Variants in ETV6 observed in about 807,000 individuals in gnomAD.
ETV6 encodes the protein transcription factor ETV6.
In ETV6, 16 loss-of-function variants were observed where a neutral mutation model predicts 51.1. The ratio of observed to expected loss-of-function variants is 0.31; its 90% CI spans 0.21 to 0.48. ETV6 has a LOEUF of 0.48. Among genes scored for constraint, ETV6 ranks in the 20% least tolerant of loss-of-function variants. The pLI, the probability that ETV6 is intolerant of heterozygous loss-of-function variation, is 0.99. For synonymous variants in ETV6, 240 were observed against 224.1 expected (o/e 1.07, Z -0.64); for missense variants, 458 against 594.8 (o/e 0.77, Z 2.39).
intron 1 of ETV6, among the ~76,000 whole-genome samples, chr12:11,685,627 C>T (rs1438319290): frequency 6.6e-6 from 1 of 151,942 alleles, no homozygotes; most frequent in African/African-American, 2.4e-5. Context: ...TTTTCATGTA[C>T]ATATGAATGT....
At chr12:11,878,248 A>G (rs1947024248) in intron 5 of ETV6, among the ~76,000 whole-genome samples, 1 of 152,196 alleles carries the variant, frequency 6.6e-6, no homozygotes, top group Admixed American at 6.5e-5. Context: ...AAAGAGCCCT[A>G]AAAGAGGAGG....
At chr12:11,689,818 C>T (rs1028665121) in intron 1 of ETV6, among the ~76,000 whole-genome samples, 3 of 106,808 alleles carry the variant, frequency 2.8e-5, no homozygotes, top group Non-Finnish European at 5.7e-5. Flanking sequence ...CTCCCCCCCC[C>T]CCCCACCCCC....
intron 2 of ETV6, among the ~76,000 whole-genome samples, chr12:11,775,809 G>A (rs1416690024): frequency 6.6e-6 from 1 of 152,194 alleles, no homozygotes; most frequent in Non-Finnish European, 1.5e-5. Flanking sequence ...CTGAGACAGC[G>A]AGGGTTCCCT....
At chr12:11,803,238 T>C (rs1945777545) in intron 2 of ETV6, among the ~76,000 whole-genome samples, 1 of 152,188 alleles carries the variant, frequency 6.6e-6, no homozygotes, top group Non-Finnish European at 1.5e-5. Flanking sequence ...AGGTGGACTT[T>C]TGAGATTATA....
At chr12:11,782,294 G>T (rs1318526719) in intron 2 of ETV6, among the ~76,000 whole-genome samples, 1 of 151,428 alleles carries the variant, frequency 6.6e-6, no homozygotes, top group Non-Finnish European at 1.5e-5. Context: ...CAATCTTCGT[G>T]GGTCAGTGGT....
intron 1 of ETV6, among the ~76,000 whole-genome samples, chr12:11,736,723 G>A (rs1369070605): frequency 6.6e-6 from 1 of 152,204 alleles, no homozygotes; most frequent in Non-Finnish European, 1.5e-5. Flanking sequence ...GGCGGTGAGC[G>A]CATCTACTGG....
rs922399693 is a variant in ETV6, at chr12:11,894,442, G to T, written c.*3396G>T. ...TAAGATCTTGACCCAGGGCGACTTGGTTTTGCTTAAGGTGGCATCACCAAT... is the reference window on the plus strand; with the variant it reads ...TAAGATCTTGACCCAGGGCGACTTGTTTTTGCTTAAGGTGGCATCACCAAT... On this transcript the variant is annotated 3_prime_UTR_variant, in exon 8 of 8. Coordinates refer to ENST00000396373, the MANE Select transcript of ETV6 (RefSeq NM_001987.5). 7 of 233,128 alleles carry T rather than the reference G, an allele frequency of 3.0e-5. No individual in the cohort carries two copies. Among genetic ancestry groups the T allele is most frequent in the African/African-American group, 6.6e-5 (3 of 45,346 alleles). The allele number at this position is 233,128 out of a possible 1,614,324, so 14.4% of individuals were successfully genotyped here.
chr12:11,806,632 T>C (rs945300415), intron 2 of ETV6, among the ~76,000 whole-genome samples: 2 of 152,256 alleles, frequency 1.3e-5, no homozygotes, highest in African/African-American at 4.8e-5. Flanking sequence ...ACACTGTAGA[T>C]AATATACAAT....
At chr12:11,766,074 G>A (rs749845878) in intron 2 of ETV6, among the ~76,000 whole-genome samples, 2 of 152,196 alleles carry the variant, frequency 1.3e-5, no homozygotes, top group African/African-American at 4.8e-5. Flanking sequence ...GCAGGAGGAA[G>A]GTGTGGGCCA....
At chr12:11,860,691 T>TC (rs1215103731) in intron 4 of ETV6, among the ~76,000 whole-genome samples, 131 of 139,348 alleles carry the variant, frequency 9.4e-4, no homozygotes, top group African/African-American at 3.4e-3. Context: ...ATTTGGTTGT[T>TC]TCCCCCCCTC....
chr12:11,856,835 G>A (rs1469245576), intron 4 of ETV6, among the ~76,000 whole-genome samples: 4 of 152,152 alleles, frequency 2.6e-5, no homozygotes, highest in Non-Finnish European at 5.9e-5. Flanking sequence ...AATCTGTCAA[G>A]TGAAATTATA....
intron 1 of ETV6, among the ~76,000 whole-genome samples, chr12:11,692,056 T>G (rs551463469): frequency 6.6e-6 from 1 of 152,334 alleles, no homozygotes; most frequent in South Asian, 2.1e-4. Flanking sequence ...TGAAACTTAA[T>G]GCCTTAATCC....
chr12:11,707,869 A>G (rs1333227923), intron 1 of ETV6, among the ~76,000 whole-genome samples: 3 of 152,180 alleles, frequency 2.0e-5, no homozygotes, highest in Non-Finnish European at 4.4e-5. Flanking sequence ...TTAACTGAGA[A>G]ACTGAACTAG....
rs114480060 is a variant in ETV6 at position 11,853,372 on chromosome 12, G to A, written c.329-55G>A. Reference sequence around the variant, plus strand: ...GCACTTAGCTGCTGCTCCGTAGATCGTTGTTGGAAAAACATCTTTCCATTT... The same window carrying A: ...GCACTTAGCTGCTGCTCCGTAGATCATTGTTGGAAAAACATCTTTCCATTT... On this transcript the variant is annotated intron_variant, in intron 3 of 7. Coordinates refer to ENST00000396373, the MANE Select transcript of ETV6 (RefSeq NM_001987.5). 400 of 1,609,268 alleles carry A rather than the reference G, an allele frequency of 2.5e-4. 1 individual carries two copies. In the African/African-American group the frequency reaches 3.4e-3, roughly 14 times the overall value.
At chr12:11,766,559 T>A (rs1279454548) in intron 2 of ETV6, among the ~76,000 whole-genome samples, 1 of 152,022 alleles carries the variant, frequency 6.6e-6, no homozygotes, top group African/African-American at 2.4e-5. Context: ...TGCCACCAGC[T>A]CCATCTTGAA....
At chr12:11,836,160 G>A (rs1201579497) in intron 2 of ETV6, among the ~76,000 whole-genome samples, 7 of 152,134 alleles carry the variant, frequency 4.6e-5, no homozygotes, top group Non-Finnish European at 1.0e-4. Flanking sequence ...AAGGGCTTTA[G>A]GTTTAAGGAA....
intron 3 of ETV6, among the ~76,000 whole-genome samples, chr12:11,847,683 G>A (rs1946485395): frequency 6.6e-6 from 1 of 152,194 alleles, no homozygotes; most frequent in African/African-American, 2.4e-5. Context: ...GAGGTGACCT[G>A]AGCAAAAGCA....
chr12:11,880,242 G>A (rs530355193), intron 5 of ETV6, among the ~76,000 whole-genome samples: 7 of 152,116 alleles, frequency 4.6e-5, no homozygotes, highest in African/African-American at 2.4e-5. Context: ...GAATGTCAAC[G>A]TATTTTTATT....
At chr12:11,865,207 C>T (rs924015682) in intron 4 of ETV6, among the ~76,000 whole-genome samples, 13 of 148,456 alleles carry the variant, frequency 8.8e-5, no homozygotes, top group East Asian at 3.9e-4. Context: ...GCAGAGATCA[C>T]GCCACTGCAC....
Sources: gnomAD v4.1 joint callset for allele counts (sites outside exome capture counted in the v4.1 genomes callset) on GRCh38, gnomAD v4.1.1 for gene constraint, MANE v1.5 for transcripts, NCBI Gene and HGNC (gene_info 2026-07-23, HGNC 2026-07-21) for gene names.